The following LYST variants were observed in gnomAD, a reference collection of about 807,000 sequenced individuals.
The protein encoded by LYST is lysosomal-trafficking regulator.
A neutral mutation model predicts 413.6 loss-of-function variants in LYST; 192 were observed. The observed-to-expected ratio is 0.46, with a 90% CI of 0.41 to 0.52. The LOEUF (loss-of-function observed/expected upper bound fraction) is 0.52, where lower values mean the gene tolerates loss of function less well. LYST is among the 20% of genes least tolerant of loss of function. The probability of loss-of-function intolerance (pLI) is 0.00; values close to 1 mark genes in which losing one functional copy is unlikely to be tolerated. For synonymous variants in LYST, 1,525 were observed against 1,567.3 expected, an observed-to-expected ratio of 0.97 and a Z score of 0.64; for missense variants, 3,815 against 4,499.9, an observed-to-expected ratio of 0.85 and a Z score of 4.35.
chr1:235,779,526 C>T (rs1337284326), intron 16 of LYST, among the ~76,000 whole-genome samples: 1 of 152,170 alleles, frequency 6.6e-6, no homozygotes, highest in African/African-American at 2.4e-5. Context: ...AATGTAAATT[C>T]CAGGGTCACA....
Position 235,759,086 on chromosome 1 carries a change from G to A in LYST, c.6767C>T (p.Ser2256Phe). Residue 2256 changes from serine (S) to phenylalanine (F), a missense_variant, in exon 23 of 53, where the codon TCT (serine) becomes TTT (phenylalanine). By Grantham distance (155) the Ser-to-Phe change is radical. This residue lies in a region of LYST where 771 missense variants were observed against 837.1 expected (regional missense o/e 0.92). Transcript: ENST00000389793. ...ACTTGGCCAACGGCCAACAGCTGCA[G>A]ATCCGTTCTGTGAAGGAAAAGCTAG... The part of the protein sequence containing the change: ...LGLAFPSQNG[S>F]AAVGRWPSLV... 1 of 1,614,190 alleles carries A rather than the reference G, an allele frequency of 6.2e-7. No individual in the cohort carries two copies. Among genetic ancestry groups the A allele is most frequent in the Non-Finnish European group, 8.5e-7 (1 of 1,180,024 alleles).
At chr1:235,797,172 C>T (rs1461527969) in intron 10 of LYST, among the ~76,000 whole-genome samples, 2 of 152,122 alleles carry the variant, frequency 1.3e-5, no homozygotes, top group South Asian at 2.1e-4. Flanking sequence ...TGAGTGTTCA[C>T]AGCAGCATTA....
intron 48 of LYST, among the ~76,000 whole-genome samples, chr1:235,684,600 T>C (rs1660064368): frequency 6.6e-6 from 1 of 152,210 alleles, no homozygotes; most frequent in Admixed American, 6.5e-5. Context: ...ATGACACTTA[T>C]ATTCTCTGCT....
At chr1:235,727,120 CTTTCTTTT>C (rs1303716069) in intron 38 of LYST, among the ~76,000 whole-genome samples, 1 of 141,102 alleles carries the variant, frequency 7.1e-6, no homozygotes, top group East Asian at 2.0e-4. Flanking sequence ...TACTTTCTTT[CTTTCTTTT>C]TTTTTTTTTT....
At chr1:235,695,262 C>T (rs2103080540) in intron 46 of LYST, among the ~76,000 whole-genome samples, 1 of 152,348 alleles carries the variant, frequency 6.6e-6, no homozygotes, top group East Asian at 1.9e-4. Context: ...GTTATTCCTA[C>T]TTTATAGATC....
intron 20 of LYST, 76 bp downstream of exon 20, chr1:235,770,084 A>T (rs1336785165): frequency 2.1e-6 from 3 of 1,426,436 alleles, no homozygotes; most frequent in Non-Finnish European, 2.9e-6. Context: ...TGAAAGTGCC[A>T]CAAAAATTTG....
chr1:235,793,529 T>G lies in LYST; in HGVS notation c.4090A>C (p.Ile1364Leu). The G allele has an allele frequency of 1.9e-6, 3 of 1,574,942 alleles. No individual in the cohort carries two copies. Among genetic ancestry groups the G allele is most frequent in the Middle Eastern group, 1.7e-4 (1 of 5,976 alleles). Residue 1364 changes from isoleucine (I) to leucine (L), a missense_variant, in exon 11 of 53, where the codon ATA becomes CTA. Physicochemically the swap from Ile to Leu is conservative, Grantham distance 5. This residue lies in a region of LYST where 1,648 missense variants were observed against 1,810.3 expected (regional missense o/e 0.91). Coordinates refer to ENST00000389793, the MANE Select transcript of LYST (RefSeq NM_000081.4). ...GTACAAGGAGATTTCTCCAGAAATA[T>G]TCTCAAAAGAAGGGTTAGCTCTTCT... ...CSEELTLLLR[I>L]FLEKSPCTKI...
chr1:235,851,551 G>T (rs1678543121), intron 1 of LYST, among the ~76,000 whole-genome samples: 1 of 151,054 alleles, frequency 6.6e-6, no homozygotes, highest in South Asian at 2.1e-4. Flanking sequence ...ATAACTGATG[G>T]AAAAATTAAA....
chr1:235,775,956 A>G (rs564705545), intron 17 of LYST, among the ~76,000 whole-genome samples: 1 of 152,184 alleles, frequency 6.6e-6, no homozygotes, highest in African/African-American at 2.4e-5. Context: ...ACATACTTTA[A>G]AAGTCTTATT....
At chr1:235,668,480 T>C (rs1326697267) in intron 50 of LYST, among the ~76,000 whole-genome samples, 2 of 152,180 alleles carry the variant, frequency 1.3e-5, no homozygotes, top group African/African-American at 4.8e-5. Context: ...TTTGTTCAAA[T>C]TGGAAAAAAG....
chr1:235,782,171 T>C (rs1669934497), intron 14 of LYST, 84 bp from the exon 15 acceptor site: 1 of 1,172,758 alleles, frequency 8.5e-7, no homozygotes, highest in Non-Finnish European at 1.2e-6. Context: ...TATTTAACAA[T>C]GGGGAATTCT....
Position 235,757,358 on chromosome 1 carries a change from C to A in LYST, c.6982G>T (p.Asp2328Tyr). 1 of 1,612,944 alleles carries A rather than the reference C, an allele frequency of 6.2e-7. No homozygotes were observed. Among genetic ancestry groups the A allele is most frequent in the Non-Finnish European group, 8.5e-7 (1 of 1,179,292 alleles). The change falls in exon 24 of 53, where the codon GAC (aspartate) becomes TAC (tyrosine). Residue 2328 changes from aspartate to tyrosine, a missense_variant. Coordinates refer to ENST00000389793, the MANE Select transcript of LYST (RefSeq NM_000081.4). ...AGTGTATCTGCTTGAATAAGCTTGT[C>A]CATCACATCTTCAAGCAAAACATCA... ...LPDVLLEDVM[D>Y]KLIQADTLLV... is the part of the protein sequence containing the mutation.
intron 39 of LYST, among the ~76,000 whole-genome samples, chr1:235,721,700 T>C (rs191748012): frequency 8.5e-4 from 129 of 152,268 alleles, no homozygotes; most frequent in African/African-American, 2.8e-3. Flanking sequence ...CCTAAACCTG[T>C]AGCCTAAATC....
intron 48 of LYST, among the ~76,000 whole-genome samples, chr1:235,679,295 A>G (rs1326321588): frequency 6.6e-6 from 1 of 152,130 alleles, no homozygotes; most frequent in Non-Finnish European, 1.5e-5. Context: ...CCACTGGGAT[A>G]TACCCATAAC....
chr1:235,781,134 T>C (rs1669831236), intron 15 of LYST, 79 bp from the exon 16 acceptor site: 2 of 882,348 alleles, frequency 2.3e-6, no homozygotes, highest in South Asian at 2.9e-5. Flanking sequence ...AACCAGGAAT[T>C]ATTTTTTGTA....
At position 235,725,143 on chromosome 1, in the gene LYST, A is replaced by C. The variant is rs1044944920; in HGVS notation, c.9163-963T>G. Among the ~76,000 whole-genome samples, 3 of 152,316 alleles carry C rather than the reference A, an allele frequency of 2.0e-5. No homozygotes were observed. In the East Asian group the frequency reaches 5.8e-4, roughly 29 times the overall value. ...GACAAACAAATGTGCCCATCAATAA[A>C]GGGGAATAGGCCGGGTGCGGTGGCT... On this transcript the variant is annotated intron_variant, in intron 38 of 52. Coordinates refer to ENST00000389793, the MANE Select transcript of LYST (RefSeq NM_000081.4).
intron 50 of LYST, among the ~76,000 whole-genome samples, chr1:235,668,070 A>G (rs940352216): frequency 1.3e-5 from 2 of 152,196 alleles, no homozygotes; most frequent in Non-Finnish European, 2.9e-5. Flanking sequence ...ATAAGAAAAA[A>G]GTCTGTACAT....
intron 11 of LYST, among the ~76,000 whole-genome samples, 200 bp from the exon 12 acceptor site, chr1:235,792,325 T>C (rs1240281191): frequency 6.6e-6 from 1 of 152,110 alleles, no homozygotes; most frequent in African/African-American, 2.4e-5. Context: ...TTTCATTCTT[T>C]TTTTTTTAAG....
intron 12 of LYST, among the ~76,000 whole-genome samples, chr1:235,791,250 C>T (rs911088818): frequency 2.0e-5 from 3 of 151,928 alleles, no homozygotes; most frequent in Non-Finnish European, 2.9e-5. Flanking sequence ...CCATTGCACT[C>T]TAGCCTGGGC....
Sources: gnomAD v4.1 joint callset for allele counts (sites outside exome capture counted in the v4.1 genomes callset) on GRCh38, gnomAD v4.1.1 for gene constraint, gnomAD v4.1.1 regional missense constraint, MANE v1.5 for transcripts, NCBI Gene and HGNC (gene_info 2026-07-23, HGNC 2026-07-21) for gene names.